IMMP2L: variants seen among roughly 807,000 people sequenced by gnomAD.
IMMP2L encodes the protein mitochondrial inner membrane protease subunit 2.
IMMP2L carries 18 observed loss-of-function variants against 19.3 expected under a neutral mutation model. That is an observed-to-expected ratio of 0.93 (90% CI 0.64 to 1.38). The LOEUF is 1.38. IMMP2L is among the 40% of genes most tolerant of loss of function. The pLI is 0.00. For missense variants in IMMP2L, 233 were observed against 218.2 expected (o/e 1.07, Z -0.43); for synonymous variants, 76 against 73.0 (o/e 1.04, Z -0.21).
chr7:111,080,361 C>T (rs1249770567), intron 3 of IMMP2L, among the ~76,000 whole-genome samples: 1 of 151,934 alleles, frequency 6.6e-6, no homozygotes. Context: ...TGACTCAATC[C>T]TTTCAATGCA....
In IMMP2L at chr7:111,107,172, T is replaced by C. The variant is rs565083902; in HGVS notation, c.240-143607A>G. Among the ~76,000 whole-genome samples the C allele has an allele frequency of 2.2e-3, 59 of 26,342 alleles. 1 individual carries two copies. Among genetic ancestry groups the C allele is most frequent in the African/African-American group, 6.0e-3 (50 of 8,296 alleles). 17.3% of individuals were successfully genotyped at this position (26,342 alleles called of 152,430 possible). On this transcript the variant is annotated intron_variant, in intron 3 of 5. Transcript: ENST00000405709. ...GATTCAGAAACTTCCTTCTTTCCCCTTTCCCTCTCTCTCCTTCCCTCCCTT... is the reference window on the plus strand; with the variant it reads ...GATTCAGAAACTTCCTTCTTTCCCCCTTCCCTCTCTCTCCTTCCCTCCCTT...
intron 1 of IMMP2L, among the ~76,000 whole-genome samples, chr7:111,551,096 C>A (rs912466373): frequency 2.0e-5 from 3 of 152,068 alleles, no homozygotes; most frequent in Admixed American, 6.5e-5. Context: ...AAAAAAAAGT[C>A]TTTGCTGTAT....
intron 3 of IMMP2L, among the ~76,000 whole-genome samples, chr7:111,265,781 TA>T (rs1243503632): frequency 1.3e-5 from 2 of 152,146 alleles, no homozygotes; most frequent in East Asian, 3.8e-4. Flanking sequence ...ATGAAAGCTC[TA>T]AAAATATGAG....
At chr7:110,902,955 AAG>A in intron 4 of IMMP2L, among the ~76,000 whole-genome samples, 3 of 151,202 alleles carry the variant, frequency 2.0e-5, no homozygotes, top group Admixed American at 6.6e-5. Context: ...AAAAAAAAAA[AAG>A]AGTACAGACT....
At chr7:111,294,928 A>T (rs1051592706) in intron 3 of IMMP2L, among the ~76,000 whole-genome samples, 5 of 151,940 alleles carry the variant, frequency 3.3e-5, no homozygotes, top group Admixed American at 1.3e-4. Context: ...ACTTTTCAAT[A>T]ACTGAGAAGA....
intron 3 of IMMP2L, among the ~76,000 whole-genome samples, chr7:111,341,830 C>A (rs1015750131): frequency 1.3e-5 from 2 of 152,102 alleles, no homozygotes; most frequent in African/African-American, 4.8e-5. Context: ...CAGGCTCCAC[C>A]TTTATGCGGA....
At chr7:111,261,206 C>T (rs898510505) in intron 3 of IMMP2L, among the ~76,000 whole-genome samples, 3 of 152,044 alleles carry the variant, frequency 2.0e-5, no homozygotes, top group Non-Finnish European at 4.4e-5. Context: ...GAACAAGTCT[C>T]CTGAAAGTTC....
chr7:110,882,629 C>T (rs1332943328), intron 5 of IMMP2L, among the ~76,000 whole-genome samples: 2 of 152,124 alleles, frequency 1.3e-5, no homozygotes, highest in Non-Finnish European at 2.9e-5. Context: ...GATCCACCCG[C>T]CTCGGCTTCC....
At chr7:110,910,175 G>A (rs1812902921) in intron 4 of IMMP2L, among the ~76,000 whole-genome samples, 1 of 152,068 alleles carries the variant, frequency 6.6e-6, no homozygotes, top group Non-Finnish European at 1.5e-5. Context: ...AAATACTAAG[G>A]GAAATTTTAA....
chr7:110,775,282 G>GTGTGTGTGTGTGTGT (rs1799310559), intron 5 of IMMP2L, among the ~76,000 whole-genome samples: 14 of 55,464 alleles, frequency 2.5e-4, no homozygotes, highest in African/African-American at 8.1e-4. Flanking sequence ...TGTGTGTGTG[G>GTGTGTGTGTGTGTGT]TTCTGATCTA....
At chr7:111,223,884 T>TTTA (rs1812790043) in intron 3 of IMMP2L, among the ~76,000 whole-genome samples, 1 of 152,136 alleles carries the variant, frequency 6.6e-6, no homozygotes, top group South Asian at 2.1e-4. Context: ...ACACAATATT[T>TTTA]TTATCTAAGT....
chr7:110,949,934 C>T (rs1414536912), intron 4 of IMMP2L, among the ~76,000 whole-genome samples: 1 of 151,992 alleles, frequency 6.6e-6, no homozygotes, highest in Non-Finnish European at 1.5e-5. Flanking sequence ...AGCACATATA[C>T]CCTATGAATC....
rs923444980 is a variant in IMMP2L at position 110,749,731 on chromosome 7, C to T, written c.409-86010G>A. 5.3e-5 allele frequency among the ~76,000 whole-genome samples: 8 copies of T among 152,006 alleles called. 1 individual carries two copies. Among genetic ancestry groups the T allele is most frequent in the Admixed American group, 5.2e-4 (8 of 15,254 alleles). ...TGTACACAGGGATGGGAACATCACA[C>T]ACTAGGGCCTGTCAGGGGTTGGGGG... On this transcript the variant is annotated intron_variant, in intron 5 of 5. Transcript: ENST00000405709.
intron 3 of IMMP2L, among the ~76,000 whole-genome samples, chr7:111,484,582 T>G (rs1474689624): frequency 6.6e-6 from 1 of 152,174 alleles, no homozygotes; most frequent in Non-Finnish European, 1.5e-5. Context: ...ATAAATAGGA[T>G]GTTCCAATGT....
At chr7:110,694,496 A>T (rs1433566241) in intron 5 of IMMP2L, among the ~76,000 whole-genome samples, 1 of 152,224 alleles carries the variant, frequency 6.6e-6, no homozygotes, top group Non-Finnish European at 1.5e-5. Context: ...TAGGTCCTTA[A>T]TTGCCTTTGA....
intron 5 of IMMP2L, among the ~76,000 whole-genome samples, chr7:110,749,188 A>G (rs1423770408): frequency 6.6e-6 from 1 of 152,250 alleles, no homozygotes; most frequent in Non-Finnish European, 1.5e-5. Context: ...AATCAAAACC[A>G]CAATGAGATA....
intron 1 of IMMP2L, among the ~76,000 whole-genome samples, chr7:111,524,548 C>G (rs1024737325): frequency 1.3e-5 from 2 of 152,072 alleles, no homozygotes; most frequent in Admixed American, 6.6e-5. Context: ...GATCCCCACT[C>G]CGACTCAGAC....
intron 5 of IMMP2L, among the ~76,000 whole-genome samples, chr7:110,820,662 A>C (rs1339413356): frequency 6.6e-6 from 1 of 152,050 alleles, no homozygotes; most frequent in Admixed American, 6.6e-5. Context: ...TAGCAAATTT[A>C]TCAATAAAGG....
chr7:111,111,504 A>G (rs1158633801), intron 3 of IMMP2L, among the ~76,000 whole-genome samples: 1 of 151,576 alleles, frequency 6.6e-6, no homozygotes, highest in African/African-American at 2.4e-5. Context: ...TTCATTTACT[A>G]TGCCACTCTT....
Sources: allele counts gnomAD v4.1 joint callset (sites outside exome capture counted in the v4.1 genomes callset), GRCh38; gene constraint gnomAD v4.1.1; transcripts MANE v1.5; gene names NCBI Gene and HGNC (gene_info 2026-07-23, HGNC 2026-07-21).